The following STXBP6 variants were observed in gnomAD, a reference collection of about 807,000 sequenced individuals.
The protein encoded by STXBP6 is syntaxin binding protein 6.
STXBP6 carries 21 observed loss-of-function variants against 26.9 expected under a neutral mutation model. The ratio of observed to expected loss-of-function variants is 0.78; its 90% CI spans 0.55 to 1.12. STXBP6 has a LOEUF of 1.12. STXBP6 is among the 50% of genes most tolerant of loss of function. The pLI, the probability that STXBP6 is intolerant of heterozygous loss-of-function variation, is 0.00. For synonymous variants in STXBP6, 97 were observed against 92.6 expected (o/e 1.05, Z -0.27); for missense variants, 232 against 257.9 (o/e 0.90, Z 0.69).
intron 1 of STXBP6, among the ~76,000 whole-genome samples, chr14:25,015,296 G>A (rs1462682207): frequency 6.6e-6 from 1 of 152,138 alleles, no homozygotes; most frequent in Admixed American, 6.5e-5. Flanking sequence ...TTCAGTGCAG[G>A]AAGCTGGAGA....
rs1167457134 is a variant in STXBP6 at position 25,010,352 on chromosome 14, TC to T, written c.-32-35503del. On this transcript the variant is annotated intron_variant, in intron 1 of 5. Transcript: ENST00000323944. The stretch of plus-strand genomic sequence containing the variant: ...ATTAAAATGCGTTCCAATTTCTACT[TC>T]CCAAGCCTTTACATTCTTTGCTCTT... Among the ~76,000 whole-genome samples, 6 of 152,320 alleles carry T rather than the reference TC, an allele frequency of 3.9e-5. No individual in the cohort carries two copies. The East Asian group carries it at 9.6e-4, about 24-fold the overall frequency.
At position 24,810,169 on chromosome 14, in the gene STXBP6, A is replaced by T. The variant is rs1179069888; in HGVS notation, c.*2540T>A. 1 of 152,246 alleles carries T rather than the reference A, an allele frequency of 6.6e-6. No homozygotes were observed. Among genetic ancestry groups the T allele is most frequent in the Non-Finnish European group, 1.5e-5 (1 of 68,040 alleles). 9.4% of individuals were successfully genotyped at this position (152,246 alleles called of 1,614,324 possible). On this transcript the variant is annotated 3_prime_UTR_variant, in exon 6 of 6. Coordinates refer to ENST00000323944, the MANE Select transcript of STXBP6 (RefSeq NM_001394410.1). Reference sequence around the variant, plus strand: ...TTCCTTTTTGAGTTGTCTATACAATAAGTCCTTCACAGAAATATAGTATCC... The same window carrying T: ...TTCCTTTTTGAGTTGTCTATACAATTAGTCCTTCACAGAAATATAGTATCC...
chr14:24,892,172 ACAG>A (rs2070812025), intron 2 of STXBP6, among the ~76,000 whole-genome samples: 1 of 151,896 alleles, frequency 6.6e-6, no homozygotes, highest in African/African-American at 2.4e-5. Context: ...TGCAATGCAG[ACAG>A]TCAATACAAA....
At chr14:25,036,412 C>A (rs1760785080) in intron 1 of STXBP6, among the ~76,000 whole-genome samples, 2 of 152,034 alleles carry the variant, frequency 1.3e-5, no homozygotes, top group Non-Finnish European at 2.9e-5. Context: ...CAGCCAAATG[C>A]CCCACTGTCT....
intron 2 of STXBP6, among the ~76,000 whole-genome samples, chr14:24,873,641 G>A (rs183807734): frequency 1.5e-4 from 23 of 152,282 alleles, no homozygotes; most frequent in South Asian, 4.2e-4. Context: ...AAGGAAGTAC[G>A]GGAAAGGTCA....
At chr14:24,859,920 G>A (rs1423399493) in intron 2 of STXBP6, among the ~76,000 whole-genome samples, 1 of 152,182 alleles carries the variant, frequency 6.6e-6, no homozygotes, top group Non-Finnish European at 1.5e-5. Flanking sequence ...AAGCATGGGG[G>A]CAACCCAATT....
chr14:24,912,810 A>G (rs879661223), intron 2 of STXBP6, among the ~76,000 whole-genome samples: 2 of 152,174 alleles, frequency 1.3e-5, no homozygotes, highest in Non-Finnish European at 2.9e-5. Flanking sequence ...TGAATATAAC[A>G]CTACTTTTTA....
chr14:25,041,816 C>T (rs2075648144), intron 1 of STXBP6, among the ~76,000 whole-genome samples: 1 of 152,184 alleles, frequency 6.6e-6, no homozygotes, highest in Non-Finnish European at 1.5e-5. Context: ...GATGTCGATG[C>T]AACAGCAGTT....
At position 24,951,606 on chromosome 14, in the gene STXBP6, T is replaced by G. The variant is rs949094131; in HGVS notation, c.154+23059A>C. 4.6e-5 allele frequency among the ~76,000 whole-genome samples: 7 copies of G among 152,200 alleles called. 2 individuals are homozygous for G. Among genetic ancestry groups the G allele is most frequent in the Admixed American group, 3.9e-4 (6 of 15,278 alleles). On this transcript the variant is annotated intron_variant, in intron 2 of 5. Coordinates refer to ENST00000323944, the MANE Select transcript of STXBP6 (RefSeq NM_001394410.1). ...CTAAAGTGCATGTTTACTTGAAAAA[T>G]ATATTCTCTTACATAGCCCTGAATG... is the stretch of plus-strand genomic sequence containing the variant.
rs76351574 is a variant in STXBP6 at position 25,024,397 on chromosome 14, C to T, written c.-33+25481G>A. 5.0e-3 allele frequency among the ~76,000 whole-genome samples: 759 copies of T among 152,220 alleles called. 6 individuals carry two copies. The highest frequency in any genetic ancestry group is 0.018 in the African/African-American group (728 of 41,548). On this transcript the variant is annotated intron_variant, in intron 1 of 5. Transcript: ENST00000323944. ...ATCTGTGAAAAACTATCAGAAGCCTCACTTCACAGATAAGGAACCAGAGGC... is the reference window on the plus strand; with the variant it reads ...ATCTGTGAAAAACTATCAGAAGCCTTACTTCACAGATAAGGAACCAGAGGC...
intron 4 of STXBP6, among the ~76,000 whole-genome samples, chr14:24,832,706 G>A (rs2138926489): frequency 6.6e-6 from 1 of 152,196 alleles, no homozygotes; most frequent in Non-Finnish European, 1.5e-5. Context: ...ATTACATAGA[G>A]GAGTTAATCC....
intron 2 of STXBP6, among the ~76,000 whole-genome samples, chr14:24,925,783 C>A (rs1449786851): frequency 1.3e-5 from 2 of 152,054 alleles, no homozygotes; most frequent in Non-Finnish European, 2.9e-5. Flanking sequence ...CTGCAAATAT[C>A]TCCCCAAAAT....
At chr14:24,987,879 C>T in intron 1 of STXBP6, 1 of 985,496 alleles carries the variant, frequency 1.0e-6, no homozygotes, top group Non-Finnish European at 1.2e-6. Flanking sequence ...ATAAGATACA[C>T]ACTTACTCAT....
chr14:24,929,676 C>T (rs2072311027), intron 2 of STXBP6, among the ~76,000 whole-genome samples: 2 of 152,144 alleles, frequency 1.3e-5, no homozygotes, highest in African/African-American at 4.8e-5. Context: ...ATATCAGTAA[C>T]AAAATTTTAT....
intron 2 of STXBP6, among the ~76,000 whole-genome samples, chr14:24,889,193 G>C (rs2139509193): frequency 1.3e-5 from 2 of 151,794 alleles, no homozygotes; most frequent in South Asian, 4.2e-4. Context: ...CAACCACCAA[G>C]AATCACTGAG....
intron 2 of STXBP6, among the ~76,000 whole-genome samples, chr14:24,938,037 GA>G (rs1207693630): frequency 5.3e-5 from 8 of 152,200 alleles, no homozygotes; most frequent in African/African-American, 1.9e-4. Flanking sequence ...ATATGGGGAA[GA>G]AAACCATTCA....
At chr14:25,033,271 TC>T (rs915510053) in intron 1 of STXBP6, among the ~76,000 whole-genome samples, 1 of 152,150 alleles carries the variant, frequency 6.6e-6, no homozygotes, top group African/African-American at 2.4e-5. Context: ...TCATATCACT[TC>T]TTTCTATTTC....
chr14:24,970,653 T>C (rs2073881070), intron 2 of STXBP6, among the ~76,000 whole-genome samples: 1 of 152,238 alleles, frequency 6.6e-6, no homozygotes, highest in Non-Finnish European at 1.5e-5. Flanking sequence ...ATTTCTGGGT[T>C]TGGGTTATTA....
chr14:24,835,011 A>G (rs2068570933), intron 4 of STXBP6, among the ~76,000 whole-genome samples: 1 of 152,182 alleles, frequency 6.6e-6, no homozygotes, highest in Non-Finnish European at 1.5e-5. Context: ...CTGAATACAT[A>G]GAAGGTATAT....
Sources: allele counts gnomAD v4.1 joint callset (sites outside exome capture counted in the v4.1 genomes callset), GRCh38; gene constraint gnomAD v4.1.1; transcripts MANE v1.5; gene names NCBI Gene and HGNC (gene_info 2026-07-23, HGNC 2026-07-21).